Variants in GDI2 observed in about 807,000 individuals in gnomAD.
The protein encoded by GDI2 is GDP dissociation inhibitor 2, also known as rab GDP dissociation inhibitor beta.
A neutral mutation model predicts 54.2 loss-of-function variants in GDI2; 22 were observed. That is an observed-to-expected ratio of 0.41 (90% CI 0.29 to 0.58). The LOEUF is 0.58. GDI2 is among the 20% of genes least tolerant of loss of function. The probability of loss-of-function intolerance (pLI) is 0.35; values close to 1 mark genes in which losing one functional copy is unlikely to be tolerated. For synonymous variants in GDI2, 177 were observed against 182.1 expected (o/e 0.97, Z 0.23); for missense variants, 422 against 546.0 (o/e 0.77, Z 2.26).
chr10:5,809,520 C>A (rs910158456), intron 1 of GDI2, among the ~76,000 whole-genome samples: 2 of 152,168 alleles, frequency 1.3e-5, no homozygotes, highest in African/African-American at 2.4e-5. Context: ...TTAAAGCCAG[C>A]TAAATATCTC....
In GDI2 at chr10:5,776,389, C is replaced by G; in HGVS notation, c.720-2448G>C. On this transcript the variant is annotated intron_variant, in intron 6 of 10. Transcript: ENST00000380191. The surrounding 1 kb of genome is among the most constrained non-coding windows in gnomAD (Gnocchi z 5.3). ...CTTTCTCAGAAGCACAGCCCTTTCA[C>G]AGAGAAATGCCTGCCTGAGATTCAA... The G allele has an allele frequency of 5.4e-6, 4 of 739,332 alleles. No homozygotes were observed. The highest frequency in any genetic ancestry group is 9.8e-6 in the Non-Finnish European group (4 of 407,056). The allele number at this position is 739,332 out of a possible 1,614,324, so 45.8% of individuals were successfully genotyped here.
chr10:5,803,447 A>T (rs2131718154), intron 1 of GDI2, among the ~76,000 whole-genome samples: 1 of 152,276 alleles, frequency 6.6e-6, no homozygotes, highest in South Asian at 2.1e-4. Flanking sequence ...AAGTACATAT[A>T]CAGTTAAAAT....
rs1840867551 is a variant in GDI2 at position 5,786,040 on chromosome 10, T to C, written c.399A>G (p.Gly133=). Residue 133 remains glycine (G), a synonymous_variant, in exon 5 of 11, where the codon GGA becomes GGG. Transcript: ENST00000380191. ...TCCTGAAGCGACGTTTTTCAAACAATCCCATTAGGCCTAAATAAAAAAGAA... is the reference window on the plus strand; with the variant it reads ...TCCTGAAGCGACGTTTTTCAAACAACCCCATTAGGCCTAAATAAAAAAGAA... ...EAEALASSLM[G]LFEKRRFRKF... is the part of the protein sequence containing the mutation. 6 of 1,609,578 alleles carry C rather than the reference T, an allele frequency of 3.7e-6. No homozygotes were observed. The African/African-American group carries it at 5.3e-5, about 14-fold the overall frequency.
At chr10:5,811,450 T>C (rs149595860) in intron 1 of GDI2, among the ~76,000 whole-genome samples, 17 of 152,308 alleles carry the variant, frequency 1.1e-4, no homozygotes, top group African/African-American at 3.6e-4. Context: ...ACGAGGCTTG[T>C]GGAAGCCTGC....
At chr10:5,770,775 G>A (rs1281406904) in intron 7 of GDI2, among the ~76,000 whole-genome samples, 2 of 151,952 alleles carry the variant, frequency 1.3e-5, no homozygotes, top group African/African-American at 4.8e-5. Context: ...AGACCAGCCT[G>A]GCCAACCTGG....
At chr10:5,802,294 T>C (rs1454522880) in intron 1 of GDI2, among the ~76,000 whole-genome samples, 1 of 152,048 alleles carries the variant, frequency 6.6e-6, no homozygotes, top group Non-Finnish European at 1.5e-5. Context: ...AAATTTTAAA[T>C]GAAAATTAGA....
At position 5,766,301 on chromosome 10, in the gene GDI2, G is replaced by A. The variant is rs371829488; in HGVS notation, c.1137-6C>T. On this transcript the variant is annotated splice_region_variant and splice_polypyrimidine_tract_variant and intron_variant, in intron 9 of 10. Coordinates refer to ENST00000380191, the MANE Select transcript of GDI2 (RefSeq NM_001494.4). This position sits in a 1 kb window ranked among gnomAD's most constrained non-coding sequence, Gnocchi z 5.8. ...GGTCACTGATGCTAACAAATCTGGA[G>A]GGAGAGAGAATTCAGTCAGGTGAGC... The A allele has an allele frequency of 2.0e-5, 32 of 1,610,606 alleles. No individual in the cohort carries two copies. The African/African-American group carries it at 3.6e-4, about 18-fold the overall frequency.
chr10:5,786,039 A>G lies in GDI2; in HGVS notation c.400T>C (p.Leu134=). 1 of 1,610,324 alleles carries G rather than the reference A, an allele frequency of 6.2e-7. No homozygotes were observed. Among genetic ancestry groups the G allele is most frequent in the African/African-American group, 1.3e-5 (1 of 74,964 alleles). ...AEALASSLMG[L]FEKRRFRKFL... ...TTCCTGAAGCGACGTTTTTCAAACA[A>G]TCCCATTAGGCCTAAATAAAAAAGA... is the stretch of plus-strand genomic sequence containing the variant. The change falls in exon 5 of 11, where the codon TTG becomes CTG. Residue 134 remains leucine (L), a synonymous_variant. Coordinates refer to ENST00000380191, the MANE Select transcript of GDI2 (RefSeq NM_001494.4).
chr10:5,801,456 C>T (rs553596301), intron 1 of GDI2, among the ~76,000 whole-genome samples: 1 of 151,758 alleles, frequency 6.6e-6, no homozygotes, highest in Non-Finnish European at 1.5e-5. Flanking sequence ...GGAGGTGGAT[C>T]ACCTGAGGTC....
At chr10:5,806,085 C>T (rs1040127830) in intron 1 of GDI2, among the ~76,000 whole-genome samples, 1 of 152,208 alleles carries the variant, frequency 6.6e-6, no homozygotes, top group Non-Finnish European at 1.5e-5. Flanking sequence ...ATACATTCAA[C>T]TTCAACAGAT....
Position 5,791,946 on chromosome 10 carries a change from G to GGT in GDI2, c.388+2938_388+2939insAC, listed in dbSNP as rs202039900. Among the ~76,000 whole-genome samples, 767 of 152,082 alleles carry GGT rather than the reference G, an allele frequency of 5.0e-3. 6 individuals are homozygous for GGT. The highest frequency in any genetic ancestry group is 0.018 in the African/African-American group (737 of 41,492). On this transcript the variant is annotated intron_variant, in intron 4 of 10. Coordinates refer to ENST00000380191, the MANE Select transcript of GDI2 (RefSeq NM_001494.4). ...CACTGAATGAGCAGAAAACATCTGG[G>GGT]ATACTGTCTCTGGTCTGGCTGCCAT...
Position 5,776,278 on chromosome 10 carries a change from T to G in GDI2, c.720-2337A>C. On this transcript the variant is annotated intron_variant, in intron 6 of 10. Coordinates refer to ENST00000380191, the MANE Select transcript of GDI2 (RefSeq NM_001494.4). The surrounding 1 kb of genome is among the most constrained non-coding windows in gnomAD (Gnocchi z 5.3). ...AAGACAGGTGGAAAAGGGCCCAGCG[T>G]GAAAAGACTGAAAGCCCAGCAGAAC... 1 of 529,784 alleles carries G rather than the reference T, an allele frequency of 1.9e-6. No homozygotes were observed. Among genetic ancestry groups the G allele is most frequent in the Non-Finnish European group, 3.5e-6 (1 of 282,210 alleles). The allele number at this position is 529,784 out of a possible 1,614,324, so 32.8% of individuals were successfully genotyped here.
intron 4 of GDI2, among the ~76,000 whole-genome samples, chr10:5,793,942 A>T (rs550376881): frequency 6.6e-6 from 1 of 151,654 alleles, no homozygotes; most frequent in East Asian, 1.9e-4. Context: ...GGCAGGTGAA[A>T]CACCTGAGGT....
At chr10:5,778,362 G>T (rs1840673245) in intron 6 of GDI2, among the ~76,000 whole-genome samples, 1 of 152,192 alleles carries the variant, frequency 6.6e-6, no homozygotes, top group Non-Finnish European at 1.5e-5. Context: ...TAATATGGTG[G>T]CCCGAGGGGC....
chr10:5,811,804 T>C (rs1567706), intron 1 of GDI2: 145,234 of 405,154 alleles, frequency 0.36, 26,582 homozygotes, highest in Non-Finnish European at 0.38. Flanking sequence ...GAATATTCTC[T>C]AATAATTGCA....
At chr10:5,813,150 T>C (rs945436679) in intron 1 of GDI2, 64 bp downstream of exon 1, 5 of 1,019,462 alleles carry the variant, frequency 4.9e-6, no homozygotes, top group African/African-American at 3.4e-5. Flanking sequence ...CCGCGGGCCG[T>C]GCAGGAGCCG....
At position 5,789,482 on chromosome 10, in the gene GDI2, T is replaced by C. The variant is rs953570711; in HGVS notation, c.389-3432A>G. On this transcript the variant is annotated intron_variant, in intron 4 of 10. Transcript: ENST00000380191. ...TAGAGGTGCAGTGACTATTCCCAGG[T>C]GTGAACATAGCACAGTACAGCCTCA... Among the ~76,000 whole-genome samples the C allele has an allele frequency of 3.9e-5, 6 of 151,966 alleles. No individual in the cohort carries two copies. The East Asian group carries it at 9.7e-4, about 24-fold the overall frequency.
intron 5 of GDI2, among the ~76,000 whole-genome samples, chr10:5,785,568 G>A (rs1840855310): frequency 6.6e-6 from 1 of 152,034 alleles, no homozygotes; most frequent in Non-Finnish European, 1.5e-5. Context: ...TAGAGAGGGG[G>A]TTTCACCATG....
At chr10:5,789,237 G>A (rs1397406156) in intron 4 of GDI2, among the ~76,000 whole-genome samples, 2 of 151,842 alleles carry the variant, frequency 1.3e-5, no homozygotes, top group Non-Finnish European at 2.9e-5. Context: ...CTCCTGAGTA[G>A]CTGGGACTAC....
Sources: allele counts gnomAD v4.1 joint callset (sites outside exome capture counted in the v4.1 genomes callset), GRCh38; gene constraint gnomAD v4.1.1; non-coding constraint Gnocchi (gnomAD v3.1); transcripts MANE v1.5; gene names NCBI Gene and HGNC (gene_info 2026-07-23, HGNC 2026-07-21).